The following C18orf54 variants were observed in gnomAD, a reference collection of about 807,000 sequenced individuals.
The protein encoded by C18orf54 is chromosome 18 open reading frame 54, also known as lung adenoma susceptibility protein 2.
Under a neutral mutation model 49.3 loss-of-function variants are expected in C18orf54, and 49 were observed. The observed-to-expected ratio is 0.99, with a 90% CI of 0.79 to 1.26. The LOEUF (loss-of-function observed/expected upper bound fraction) is 1.26. Among genes scored for constraint, C18orf54 ranks in the 50% most tolerant of loss-of-function variants. C18orf54 has a pLI of 0.00. For synonymous variants in C18orf54, 211 were observed against 216.6 expected, an observed-to-expected ratio of 0.97 and a Z score of 0.23; for missense variants, 687 against 620.6, an observed-to-expected ratio of 1.11 and a Z score of -1.14.
At chr18:54,365,444 G>A (rs2089362138) in intron 5 of C18orf54, among the ~76,000 whole-genome samples, 1 of 151,890 alleles carries the variant, frequency 6.6e-6, no homozygotes, top group South Asian at 2.1e-4. Context: ...TGTAGTTCAG[G>A]CCTTGTTTAG....
chr18:54,368,768 T>A (rs1599339239), intron 6 of C18orf54, among the ~76,000 whole-genome samples: 1 of 152,176 alleles, frequency 6.6e-6, no homozygotes, highest in African/African-American at 2.4e-5. Flanking sequence ...TATCCATTTG[T>A]GAATCCTATC....
At chr18:54,365,605 G>A in intron 5 of C18orf54, 114 bp from the exon 6 acceptor site, 1 of 556,544 alleles carries the variant, frequency 1.8e-6, no homozygotes, top group East Asian at 2.8e-5. Flanking sequence ...TATCCATGAT[G>A]ATTATTTCTT....
intron 7 of C18orf54, 130 bp downstream of exon 7, chr18:54,372,727 A>G: frequency 4.8e-6 from 4 of 832,266 alleles, no homozygotes; most frequent in Non-Finnish European, 7.1e-6. Context: ...TGTAAGTGGC[A>G]GTAGTTTTTT....
rs2089682691 is a variant in C18orf54, at chr18:54,382,003, G to A, written c.*3757G>A. On this transcript the variant is annotated 3_prime_UTR_variant, in exon 9 of 9. Coordinates refer to ENST00000620105, the MANE Select transcript of C18orf54 (RefSeq NM_001288980.2). ...CCTGGTTTCCTATATAAAGTTGTAAGTTCAAGATAAAGAGACCACATTCTT... is the reference window on the plus strand; with the variant it reads ...CCTGGTTTCCTATATAAAGTTGTAAATTCAAGATAAAGAGACCACATTCTT... 6.6e-6 allele frequency: 1 copy of A among 152,166 alleles called. No homozygotes were observed. Among genetic ancestry groups the A allele is most frequent in the Non-Finnish European group, 1.5e-5 (1 of 68,028 alleles). 9.4% of individuals were successfully genotyped at this position (152,166 alleles called of 1,614,324 possible).
At chr18:54,360,361 C>G (rs1267457554) in intron 2 of C18orf54, among the ~76,000 whole-genome samples, 166 bp from the exon 3 acceptor site, 1 of 151,950 alleles carries the variant, frequency 6.6e-6, no homozygotes, top group East Asian at 1.9e-4. Flanking sequence ...AAGGAATTCA[C>G]AATAATAAAT....
In C18orf54 at chr18:54,374,262, C is replaced by G; in HGVS notation, c.1507C>G (p.Pro503Ala). Residue 503 changes from proline to alanine, a missense_variant, in exon 8 of 9, where the codon CCT becomes GCT. By Grantham distance (27) the Pro-to-Ala change is conservative (BLOSUM62 -1). Coordinates refer to ENST00000620105, the MANE Select transcript of C18orf54 (RefSeq NM_001288980.2). ...ATTACAGTTGAAGGAAAGTATGATT[C>G]CTATTACTAGGTCACTTCAGAAGTA... ...SKLQLKESMI[P>A]ITRSLQKALH... The G allele has an allele frequency of 6.3e-7, 1 of 1,583,664 alleles. No homozygotes were observed. Among genetic ancestry groups the G allele is most frequent in the Non-Finnish European group, 8.6e-7 (1 of 1,164,138 alleles).
chr18:54,363,907 T>C (rs971488716), intron 5 of C18orf54: 1 of 152,114 alleles, frequency 6.6e-6, no homozygotes, highest in African/African-American at 2.4e-5. Context: ...ATTTTCTTGC[T>C]GTATTGCCTT....
Position 54,360,730 on chromosome 18 carries a change from A to G in C18orf54, c.158A>G (p.Gln53Arg). ...TACAGATCTGCTTCTCAAGCTCTAC[A>G]GGCTTATATTGATGATTTTGATCTA... ...KLYRSASQAL[Q>R]AYIDDFDLGQ... The change falls in exon 3 of 9, where the codon CAG (glutamine) becomes CGG (arginine). Residue 53 changes from glutamine (Q) to arginine (R), a missense_variant. By Grantham distance (43) the Gln-to-Arg change is conservative. Coordinates refer to ENST00000620105, the MANE Select transcript of C18orf54 (RefSeq NM_001288980.2). 6.2e-7 allele frequency: 1 copy of G among 1,614,082 alleles called. No individual in the cohort carries two copies. The highest frequency in any genetic ancestry group is 8.5e-7 in the Non-Finnish European group (1 of 1,179,974).
chr18:54,376,767 T>G (rs577831822), intron 8 of C18orf54, among the ~76,000 whole-genome samples: 2 of 152,238 alleles, frequency 1.3e-5, no homozygotes, highest in Non-Finnish European at 1.5e-5. Context: ...ATTGAGAGTC[T>G]TCTTATTACA....
rs775237389 is a variant in C18orf54 at position 54,360,825 on chromosome 18, TTC to T, written c.255_256del (p.Phe85LeufsTer12). ...IDEDFTNMSQ[F>X]CNYIYKPNNA... The stretch of plus-strand genomic sequence containing the variant: ...TGAGGATTTTACTAATATGTCACAG[TTC>T]TGCAACTATATTTACAAACCAAACA... On this transcript the variant is annotated frameshift_variant, in exon 3 of 9. Transcript: ENST00000620105. LOFTEE classifies it high-confidence loss of function. 114 of 1,612,678 alleles carry T rather than the reference TTC, an allele frequency of 7.1e-5. No individual in the cohort carries two copies. Among genetic ancestry groups the T allele is most frequent in the Non-Finnish European group, 9.7e-5 (114 of 1,179,242 alleles).
In C18orf54 at chr18:54,365,729, G is replaced by T. The variant is rs370519789; in HGVS notation, c.1234G>T (p.Val412Phe). The stretch of plus-strand genomic sequence containing the variant: ...TTAAATCCTGTTTAGCAAATCTCCT[G>T]TTCCCGTTAACTCTGATGATAGTCC... The part of the protein sequence containing the change: ...ENIPVTFKSP[V>F]PVNSDDSPQQ... The change falls in exon 6 of 9, where the codon GTT (valine) becomes TTT (phenylalanine). Residue 412 changes from valine (V) to phenylalanine (F), a missense_variant. Coordinates refer to ENST00000620105, the MANE Select transcript of C18orf54 (RefSeq NM_001288980.2). The T allele has an allele frequency of 6.3e-7, 1 of 1,589,408 alleles. No individual in the cohort carries two copies. The highest frequency in any genetic ancestry group is 8.6e-7 in the Non-Finnish European group (1 of 1,163,448).
intron 7 of C18orf54, among the ~76,000 whole-genome samples, 154 bp downstream of exon 7, chr18:54,372,751 A>C (rs1189736886): frequency 6.6e-6 from 1 of 151,902 alleles, no homozygotes; most frequent in African/African-American, 2.4e-5. Context: ...GTTAGGAAGT[A>C]ATGTACTCAC....
chr18:54,361,826 G>A lies in C18orf54; in HGVS notation c.467G>A (p.Arg156His), dbSNP rs555773199. The A allele has an allele frequency of 5.0e-6, 8 of 1,614,020 alleles. No individual in the cohort carries two copies. Among genetic ancestry groups the A allele is most frequent in the Middle Eastern group, 1.6e-4 (1 of 6,062 alleles). The change falls in exon 4 of 9, where the codon CGT becomes CAT. Residue 156 changes from arginine (R) to histidine (H), a missense_variant. Coordinates refer to ENST00000620105, the MANE Select transcript of C18orf54 (RefSeq NM_001288980.2). ...HRTSKKNKKC[R>H]GRLGSLDIEK... ...ACGAGCAAGAAAAACAAGAAATGCC[G>A]TGGAAGACTGGGTTCATTGGACATT...
Position 54,362,774 on chromosome 18 carries a change from A to G in C18orf54, c.1076A>G (p.Asp359Gly). Residue 359 changes from aspartate (D) to glycine (G), a missense_variant, in exon 5 of 9, where the codon GAC becomes GGC. Coordinates refer to ENST00000620105, the MANE Select transcript of C18orf54 (RefSeq NM_001288980.2). ...AATAGTCATCTTTTACAATTAGGTGACAAAATTGAATTGCTTATCTTGAAG... is the reference window on the plus strand; with the variant it reads ...AATAGTCATCTTTTACAATTAGGTGGCAAAATTGAATTGCTTATCTTGAAG... ...PGQSTKPFSG[D>G]KIELLILKAK... The G allele has an allele frequency of 6.2e-7, 1 of 1,602,724 alleles. No individual in the cohort carries two copies. The highest frequency in any genetic ancestry group is 8.5e-7 in the Non-Finnish European group (1 of 1,177,486).
At chr18:54,375,461 A>C (rs922762854) in intron 8 of C18orf54, among the ~76,000 whole-genome samples, 1 of 148,394 alleles carries the variant, frequency 6.7e-6, no homozygotes, top group Admixed American at 6.8e-5. Flanking sequence ...TCAGTTGATC[A>C]TCTAGTATGA....
At chr18:54,367,225 G>A in intron 6 of C18orf54, among the ~76,000 whole-genome samples, 1 of 151,948 alleles carries the variant, frequency 6.6e-6, no homozygotes, top group Non-Finnish European at 1.5e-5. Flanking sequence ...CATTTTATAT[G>A]TTCTTTCTTC....
rs1477554288 is a variant in C18orf54 at position 54,380,533 on chromosome 18, T to A, written c.*2287T>A. On this transcript the variant is annotated 3_prime_UTR_variant, in exon 9 of 9. Coordinates refer to ENST00000620105, the MANE Select transcript of C18orf54 (RefSeq NM_001288980.2). The stretch of plus-strand genomic sequence containing the variant: ...CAAGACTGAAATGTATTGTCTTTAC[T>A]ATCAAGAACTCTACTTTCAGTTGTT... 1 of 152,104 alleles carries A rather than the reference T, an allele frequency of 6.6e-6. No individual in the cohort carries two copies. Among genetic ancestry groups the A allele is most frequent in the Non-Finnish European group, 1.5e-5 (1 of 67,948 alleles). The allele number at this position is 152,104 out of a possible 1,614,324, so 9.4% of individuals were successfully genotyped here.
rs567692537 is a variant in C18orf54 at position 54,362,824 on chromosome 18, A to G, written c.1126A>G (p.Thr376Ala). The change falls in exon 5 of 9, where the codon ACT becomes GCT. Residue 376 changes from threonine (T) to alanine (A), a missense_variant. Transcript: ENST00000620105. Reference sequence around the variant, plus strand: ...GGCCAAGAGAAATCTAGAGCAGTGTACTGAAGAATTACCAAAGTCCATGAA... The same window carrying G: ...GGCCAAGAGAAATCTAGAGCAGTGTGCTGAAGAATTACCAAAGTCCATGAA... ...LKAKRNLEQC[T>A]EELPKSMKKD... 1.2e-6 allele frequency: 2 copies of G among 1,612,454 alleles called. No homozygotes were observed. The highest frequency in any genetic ancestry group is 1.1e-5 in the South Asian group (1 of 90,784).
At chr18:54,375,638 A>G (rs2089557572) in intron 8 of C18orf54, among the ~76,000 whole-genome samples, 2 of 151,896 alleles carry the variant, frequency 1.3e-5, no homozygotes, top group African/African-American at 2.4e-5. Flanking sequence ...AAGTCATTTA[A>G]TCACCACAAA....
Sources: allele counts gnomAD v4.1 joint callset (sites outside exome capture counted in the v4.1 genomes callset), GRCh38; gene constraint gnomAD v4.1.1; transcripts MANE v1.5; gene names NCBI Gene and HGNC (gene_info 2026-07-23, HGNC 2026-07-21).